Variants in ARHGEF12 observed in about 807,000 individuals in gnomAD.
The protein encoded by ARHGEF12 is KMT2A/ARHGEF12 fusion protein.
Under a neutral mutation model 211.2 loss-of-function variants are expected in ARHGEF12, and 66 were observed. That is an observed-to-expected ratio of 0.31 (90% CI 0.26 to 0.38). The LOEUF is 0.38. ARHGEF12 is among the 10% of genes least tolerant of loss of function. ARHGEF12 has a pLI of 1.00. For missense variants in ARHGEF12, 1,429 were observed against 1,869.5 expected, an observed-to-expected ratio of 0.76 and a Z score of 4.34; for synonymous variants, 592 against 638.4, an observed-to-expected ratio of 0.93 and a Z score of 1.09.
intron 1 of ARHGEF12, among the ~76,000 whole-genome samples, chr11:120,382,876 C>G (rs1033496084): frequency 2.6e-5 from 4 of 152,200 alleles, no homozygotes; most frequent in Non-Finnish European, 5.9e-5. Flanking sequence ...CGAGGCGGTT[C>G]ACGCCTGTAA....
rs774661980 is a variant in ARHGEF12, at chr11:120,480,328, G to C, written c.4135G>C (p.Glu1379Gln). ...EPEGGLDDSG[E>Q]HFFDAREAHS... ...AGAAGGGGGTCTTGATGACAGTGGA[G>C]AGCACTTTTTTGATGCCCGTGAAGC... The change falls in exon 38 of 41, where the codon GAG becomes CAG. Residue 1379 changes from glutamate to glutamine, a missense_variant. This residue lies in a region of ARHGEF12 where 467 missense variants were observed against 468.4 expected (regional missense o/e 1.00). Transcript: ENST00000397843. The C allele has an allele frequency of 3.1e-6, 5 of 1,614,164 alleles. No individual in the cohort carries two copies. Among genetic ancestry groups the C allele is most frequent in the Admixed American group, 1.7e-5 (1 of 60,026 alleles).
intron 40 of ARHGEF12, 68 bp from the exon 41 acceptor site, chr11:120,484,999 G>A (rs1947362508): frequency 6.6e-7 from 1 of 1,510,364 alleles, no homozygotes; most frequent in African/African-American, 1.4e-5. Context: ...AGATGTCATG[G>A]GTATTCTTTG....
chr11:120,376,877 A>AT (rs1327054967), intron 1 of ARHGEF12, among the ~76,000 whole-genome samples: 3 of 152,164 alleles, frequency 2.0e-5, no homozygotes, highest in Admixed American at 6.5e-5. Context: ...CCACAAATGA[A>AT]TGAGAGCATG....
chr11:120,357,146 C>T (rs1365664164), intron 1 of ARHGEF12, among the ~76,000 whole-genome samples: 1 of 152,018 alleles, frequency 6.6e-6, no homozygotes, highest in Non-Finnish European at 1.5e-5. Context: ...GCATGTGCCA[C>T]CGTGCCCTTC....
chr11:120,420,462 T>A (rs1945151702), intron 4 of ARHGEF12, among the ~76,000 whole-genome samples: 1 of 152,196 alleles, frequency 6.6e-6, no homozygotes, highest in Non-Finnish European at 1.5e-5. Flanking sequence ...GGGCTTTCCT[T>A]CTAGCTGTCT....
chr11:120,362,889 A>G (rs1038162384), intron 1 of ARHGEF12, among the ~76,000 whole-genome samples: 3 of 152,132 alleles, frequency 2.0e-5, no homozygotes, highest in African/African-American at 7.2e-5. Flanking sequence ...TCATGAGGTC[A>G]GGAGATCGAG....
At chr11:120,402,513 T>A (rs1240736783) in intron 1 of ARHGEF12, among the ~76,000 whole-genome samples, 4 of 152,202 alleles carry the variant, frequency 2.6e-5, no homozygotes, top group Non-Finnish European at 5.9e-5. Flanking sequence ...ATAGGTAACA[T>A]TCTTTGACTG....
chr11:120,439,975 C>A (rs1473410182), intron 12 of ARHGEF12, 154 bp from the exon 13 acceptor site: 2 of 596,304 alleles, frequency 3.4e-6, no homozygotes, highest in Non-Finnish European at 5.8e-6. Flanking sequence ...AATTTGTGAA[C>A]CCCTACTTTG....
intron 1 of ARHGEF12, among the ~76,000 whole-genome samples, chr11:120,350,710 A>G (rs1482373047): frequency 6.6e-6 from 1 of 152,170 alleles, no homozygotes; most frequent in African/African-American, 2.4e-5. Context: ...CAAAATGGAA[A>G]AGACATTGGT....
intron 1 of ARHGEF12, among the ~76,000 whole-genome samples, chr11:120,392,338 A>G: frequency 6.6e-6 from 1 of 152,154 alleles, no homozygotes; most frequent in East Asian, 1.9e-4. Flanking sequence ...GTCAAATAAT[A>G]TCTTTTTTTA....
chr11:120,448,182 A>G, intron 19 of ARHGEF12, 52 bp from the exon 20 acceptor site: 1 of 1,344,028 alleles, frequency 7.4e-7, no homozygotes, highest in Non-Finnish European at 1.1e-6. Context: ...TCTTTATTCT[A>G]CCAACCCTCC....
At chr11:120,467,393 C>A in intron 29 of ARHGEF12, 85 bp downstream of exon 29, 1 of 736,824 alleles carries the variant, frequency 1.4e-6, no homozygotes, top group South Asian at 2.1e-5. Context: ...TTACAGCGTC[C>A]TGAATGGAGT....
intron 1 of ARHGEF12, chr11:120,337,595 T>A: frequency 1.0e-6 from 1 of 985,392 alleles, no homozygotes; most frequent in Non-Finnish European, 1.2e-6. Context: ...TCATTTTAGG[T>A]GAAGGTCGGT....
chr11:120,472,146 A>G (rs61898761), intron 30 of ARHGEF12, among the ~76,000 whole-genome samples: 2,672 of 152,270 alleles, frequency 0.018, 38 homozygotes, highest in Non-Finnish European at 0.029. Flanking sequence ...CACGTGGGGG[A>G]ATACGTATAT....
At chr11:120,418,794 C>T (rs551385289) in intron 4 of ARHGEF12, among the ~76,000 whole-genome samples, 1 of 152,286 alleles carries the variant, frequency 6.6e-6, no homozygotes, top group African/African-American at 2.4e-5. Context: ...AGCACCTTTA[C>T]ATGTGCTTAT....
intron 36 of ARHGEF12, among the ~76,000 whole-genome samples, chr11:120,477,831 C>T (rs556186053): frequency 6.9e-6 from 1 of 145,676 alleles, no homozygotes; most frequent in Non-Finnish European, 1.5e-5. Flanking sequence ...CGTGCCATTG[C>T]ACTCCAGCCT....
chr11:120,406,455 T>C (rs2135572288), intron 2 of ARHGEF12, among the ~76,000 whole-genome samples: 1 of 152,306 alleles, frequency 6.6e-6, no homozygotes, highest in Non-Finnish European at 1.5e-5. Flanking sequence ...GAGGTGAAAA[T>C]AGAATGCTAG....
intron 4 of ARHGEF12, chr11:120,410,385 T>A (rs1211275001): frequency 2.0e-5 from 3 of 151,942 alleles, no homozygotes; most frequent in African/African-American, 7.2e-5. Flanking sequence ...TCTGAAAGAC[T>A]GATAAATTAT....
chr11:120,362,339 T>C (rs1270373958), intron 1 of ARHGEF12, among the ~76,000 whole-genome samples: 1 of 152,200 alleles, frequency 6.6e-6, no homozygotes, highest in Non-Finnish European at 1.5e-5. Flanking sequence ...TTAGCTAACC[T>C]CAATTTAATG....
Sources: allele counts gnomAD v4.1 joint callset (sites outside exome capture counted in the v4.1 genomes callset), GRCh38; gene constraint gnomAD v4.1.1; regional missense constraint gnomAD v4.1.1; transcripts MANE v1.5; gene names NCBI Gene and HGNC (gene_info 2026-07-23, HGNC 2026-07-21).